PCNT: variants seen among roughly 807,000 people sequenced by gnomAD.
PCNT encodes the protein kendrin.
A neutral mutation model predicts 380.4 loss-of-function variants in PCNT; 319 were observed. The observed-to-expected ratio is 0.84, with a 90% CI of 0.77 to 0.92. The LOEUF (loss-of-function observed/expected upper bound fraction) is 0.92. Among genes scored for constraint, PCNT ranks in the 40% least tolerant of loss-of-function variants. The pLI, the probability that PCNT is intolerant of heterozygous loss-of-function variation, is 0.00. For missense variants in PCNT, 4,400 were observed against 4,255.3 expected (o/e 1.03, Z -0.95); for synonymous variants, 1,845 against 1,735.2 (o/e 1.06, Z -1.57).
At chr21:46,390,041 G>A (rs1298639532) in intron 19 of PCNT, among the ~76,000 whole-genome samples, 2 of 152,268 alleles carry the variant, frequency 1.3e-5, no homozygotes, top group African/African-American at 4.8e-5. Flanking sequence ...GAAAGTGTAC[G>A]GGAGTGTGAG....
chr21:46,411,118 A>AC, intron 27 of PCNT, 71 bp from the exon 28 acceptor site: 1 of 1,424,140 alleles, frequency 7.0e-7, no homozygotes, highest in Non-Finnish European at 9.9e-7. Flanking sequence ...TCAGGATGTA[A>AC]CGTGCCCTGA....
At chr21:46,327,185 C>G (rs1882255256) in intron 2 of PCNT, among the ~76,000 whole-genome samples, 2 of 151,398 alleles carry the variant, frequency 1.3e-5, no homozygotes, top group African/African-American at 4.8e-5. Flanking sequence ...CTCAGCCTCC[C>G]AAGTAGCTGG....
intron 39 of PCNT, 62 bp downstream of exon 39, chr21:46,436,210 C>T (rs1403499293): frequency 5.0e-6 from 8 of 1,585,274 alleles, no homozygotes; most frequent in East Asian, 2.2e-5. Flanking sequence ...GTCCCAGACC[C>T]GGCCCGAGGG....
In PCNT at chr21:46,445,357, A is replaced by G. The variant is rs780468253; in HGVS notation, c.*30A>G. The G allele has an allele frequency of 2.5e-5, 39 of 1,544,834 alleles. 1 individual carries two copies. Among genetic ancestry groups the G allele is most frequent in the Admixed American group, 3.3e-5 (2 of 59,930 alleles). On this transcript the variant is annotated 3_prime_UTR_variant, in exon 47 of 47. Transcript: ENST00000359568. The stretch of plus-strand genomic sequence containing the variant: ...AATGTCATGGCTCTTTCCTGCGACA[A>G]TTCTATTTGAGGAAAAGATTTGTTT...
chr21:46,341,360 G>A (rs1479180331), intron 3 of PCNT, among the ~76,000 whole-genome samples: 1 of 152,002 alleles, frequency 6.6e-6, no homozygotes, highest in Non-Finnish European at 1.5e-5. Flanking sequence ...TTAGTGAGGT[G>A]TTTGTGTTAC....
At position 46,326,434 on chromosome 21, in the gene PCNT, ACGG is replaced by A. The variant is rs761557292; in HGVS notation, c.115_117del (p.Ala39del). Reference sequence around the variant, plus strand: ...TGACAGTTCGCATTCGGAGAAAAAGACGGCGAAGAGGAAGGGCTCGGCTGTCGA... The same window carrying A: ...TGACAGTTCGCATTCGGAGAAAAAGACGAAGAGGAAGGGCTCGGCTGTCGA... On this transcript the variant is annotated inframe_deletion, in exon 2 of 47. Coordinates refer to ENST00000359568, the MANE Select transcript of PCNT (RefSeq NM_006031.6). 6.2e-7 allele frequency: 1 copy of A among 1,614,232 alleles called. No homozygotes were observed. The highest frequency in any genetic ancestry group is 1.1e-5 in the South Asian group (1 of 91,090).
intron 6 of PCNT, 68 bp from the exon 7 acceptor site, chr21:46,348,944 G>A (rs2084172118): frequency 3.7e-6 from 4 of 1,095,206 alleles, no homozygotes; most frequent in Admixed American, 1.7e-5. Context: ...GGTTTTGACT[G>A]TGTGATTTAA....
intron 2 of PCNT, among the ~76,000 whole-genome samples, chr21:46,330,191 C>T (rs1189448364): frequency 6.6e-6 from 1 of 152,086 alleles, no homozygotes; most frequent in African/African-American, 2.4e-5. Flanking sequence ...AATCATGGCT[C>T]ATTCCAGCCT....
Position 46,353,118 on chromosome 21 carries a change from C to T in PCNT, c.1471C>T (p.Leu491Phe). The change falls in exon 10 of 47, where the codon CTC becomes TTC. Residue 491 changes from leucine to phenylalanine, a missense_variant. Physicochemically the swap from Leu to Phe is conservative, Grantham distance 22 (BLOSUM62 0). Transcript: ENST00000359568. ...TTATGTTGCAGAGCTACATGAGCAA[C>T]TCCTGGCGCGCACCTCTCGTGTGGA... is the stretch of plus-strand genomic sequence containing the variant. ...RQELSELHEQ[L>F]LARTSRVEDL... is the part of the protein sequence containing the mutation. The T allele has an allele frequency of 6.2e-7, 1 of 1,613,892 alleles. No individual in the cohort carries two copies. The highest frequency in any genetic ancestry group is 1.1e-5 in the South Asian group (1 of 91,080).
At chr21:46,361,290 C>T (rs2084707235) in intron 13 of PCNT, among the ~76,000 whole-genome samples, 1 of 152,190 alleles carries the variant, frequency 6.6e-6, no homozygotes, top group Non-Finnish European at 1.5e-5. Flanking sequence ...ACTCGGGGGC[C>T]TGAGGCAGGA....
intron 12 of PCNT, among the ~76,000 whole-genome samples, 154 bp from the exon 13 acceptor site, chr21:46,356,820 G>T (rs1269190637): frequency 1.9e-4 from 29 of 152,268 alleles, no homozygotes; most frequent in Admixed American, 1.9e-3. Context: ...AGAGAGCCAT[G>T]CCTGCTTTCA....
chr21:46,324,716 T>G (rs974676789), intron 1 of PCNT: 8 of 229,496 alleles, frequency 3.5e-5, no homozygotes, highest in African/African-American at 1.6e-4. Context: ...TCCCGCGTCC[T>G]CCGGGACCGG....
chr21:46,363,753 C>T lies in PCNT; in HGVS notation c.2428C>T (p.Leu810=). The T allele has an allele frequency of 6.2e-7, 1 of 1,614,204 alleles. No individual in the cohort carries two copies. Among genetic ancestry groups the T allele is most frequent in the Non-Finnish European group, 8.5e-7 (1 of 1,180,034 alleles). ...QDQQAAQILD[L]ERSLTEQQGR... ...CCAACAGGCAGCCCAGATCCTGGAT[C>T]TGGAGAGGTCCTTGACGGAGCAGCA... Residue 810 remains leucine, a synonymous_variant, in exon 14 of 47, where the codon CTG becomes TTG. Coordinates refer to ENST00000359568, the MANE Select transcript of PCNT (RefSeq NM_006031.6).
intron 15 of PCNT, among the ~76,000 whole-genome samples, chr21:46,370,228 G>A (rs796443235): frequency 1.3e-5 from 2 of 152,060 alleles, no homozygotes; most frequent in Non-Finnish European, 2.9e-5. Flanking sequence ...GGCATCCGGG[G>A]GGGGGTGTCT....
chr21:46,426,004 A>T (rs2087480328), intron 33 of PCNT, 33 bp downstream of exon 33: 2 of 1,612,298 alleles, frequency 1.2e-6, no homozygotes, highest in Non-Finnish European at 1.7e-6. Context: ...TTCTTTTCCA[A>T]AGGATTTAAG....
rs1377192683 is a variant in PCNT at position 46,384,392 on chromosome 21, T to C, written c.3313-1440T>C. Reference sequence around the variant, plus strand: ...TTCAGTGACGGAAGCGCATTCACGGTGTTGTGCATTCAGCAGCGGAAGCGC... The same window carrying C: ...TTCAGTGACGGAAGCGCATTCACGGCGTTGTGCATTCAGCAGCGGAAGCGC... On this transcript the variant is annotated intron_variant, in intron 16 of 46. Coordinates refer to ENST00000359568, the MANE Select transcript of PCNT (RefSeq NM_006031.6). Among the ~76,000 whole-genome samples the C allele has an allele frequency of 1.4e-5, 2 of 146,914 alleles. 1 individual carries two copies. Among genetic ancestry groups the C allele is most frequent in the Non-Finnish European group, 3.0e-5 (2 of 66,394 alleles).
At chr21:46,368,216 C>T (rs2330432) in intron 15 of PCNT, among the ~76,000 whole-genome samples, 121,793 of 152,034 alleles carry the variant, frequency 0.8, 49,012 homozygotes, top group Admixed American at 0.85. Flanking sequence ...GAGGCCAAGG[C>T]GGGCAGATCA....
chr21:46,444,090 G>A, intron 45 of PCNT, 142 bp downstream of exon 45: 3 of 903,738 alleles, frequency 3.3e-6, no homozygotes, highest in South Asian at 1.7e-5. Context: ...AGTCCGTGAG[G>A]GCCAAGAAGT....
intron 15 of PCNT, among the ~76,000 whole-genome samples, chr21:46,379,105 T>C (rs1181251562): frequency 1.3e-5 from 2 of 152,220 alleles, no homozygotes; most frequent in African/African-American, 4.8e-5. Context: ...CTCTTAGCTT[T>C]TGTTTTTGTG....
Sources: gnomAD v4.1 joint callset for allele counts (sites outside exome capture counted in the v4.1 genomes callset) on GRCh38, gnomAD v4.1.1 for gene constraint, MANE v1.5 for transcripts, NCBI Gene and HGNC (gene_info 2026-07-23, HGNC 2026-07-21) for gene names.